ERBB4: variants seen among roughly 807,000 people sequenced by gnomAD.
The protein encoded by ERBB4 is erb-b2 receptor tyrosine kinase 4.
ERBB4 carries 42 observed loss-of-function variants against 158.0 expected under a neutral mutation model. The ratio of observed to expected loss-of-function variants is 0.27; its 90% CI spans 0.21 to 0.34. ERBB4 has a LOEUF of 0.34. Among genes scored for constraint, ERBB4 ranks in the 10% least tolerant of loss-of-function variants. ERBB4 has a pLI of 1.00. For missense variants in ERBB4, 1,333 were observed against 1,624.1 expected, an observed-to-expected ratio of 0.82 and a Z score of 3.08; for synonymous variants, 583 against 558.7, an observed-to-expected ratio of 1.04 and a Z score of -0.61.
intron 2 of ERBB4, among the ~76,000 whole-genome samples, chr2:212,090,025 T>G (rs1403735004): frequency 1.3e-5 from 2 of 152,266 alleles, no homozygotes; most frequent in East Asian, 3.9e-4. Context: ...GTATGATTAC[T>G]CAGCCTCTGC....
chr2:211,740,622 C>CTTTTTTTTTT (rs1169540948), intron 5 of ERBB4, among the ~76,000 whole-genome samples: 28 of 90,174 alleles, frequency 3.1e-4, no homozygotes, highest in African/African-American at 5.7e-4. Context: ...TTTTCTTTGT[C>CTTTTTTTTTT]TTTTTTTTTT....
intron 1 of ERBB4, among the ~76,000 whole-genome samples, chr2:212,513,924 T>C (rs187847239): frequency 7.7e-4 from 117 of 152,368 alleles, no homozygotes; most frequent in Non-Finnish European, 1.4e-3. Context: ...CTAAAGTGTA[T>C]GTTTTAGTTA....
At chr2:211,841,238 G>T (rs2077462960) in intron 3 of ERBB4, among the ~76,000 whole-genome samples, 1 of 152,024 alleles carries the variant, frequency 6.6e-6, no homozygotes, top group Non-Finnish European at 1.5e-5. Flanking sequence ...TTTCCAATGT[G>T]CTATATTTGT....
At chr2:211,833,105 C>T (rs2077261119) in intron 3 of ERBB4, among the ~76,000 whole-genome samples, 1 of 152,060 alleles carries the variant, frequency 6.6e-6, no homozygotes, top group South Asian at 2.1e-4. Context: ...GCCTGACAAA[C>T]AGCAGATACC....
chr2:211,708,767 TA>T (rs779747457), intron 9 of ERBB4, among the ~76,000 whole-genome samples: 20 of 152,202 alleles, frequency 1.3e-4, no homozygotes, highest in Non-Finnish European at 2.5e-4. Context: ...ATCACCACAA[TA>T]ATCATAGGAA....
intron 20 of ERBB4, among the ~76,000 whole-genome samples, chr2:211,486,938 C>T (rs970001925): frequency 2.0e-5 from 3 of 151,838 alleles, no homozygotes; most frequent in Admixed American, 2.0e-4. Context: ...ACAGCTTCAT[C>T]AGATAATATA....
At chr2:211,484,217 G>A (rs1433400761) in intron 20 of ERBB4, among the ~76,000 whole-genome samples, 2 of 152,044 alleles carry the variant, frequency 1.3e-5, no homozygotes, top group Non-Finnish European at 2.9e-5. Context: ...AATGAAAAAC[G>A]GGAGGGAAAA....
At chr2:212,083,168 G>A (rs910346243) in intron 2 of ERBB4, among the ~76,000 whole-genome samples, 4 of 151,942 alleles carry the variant, frequency 2.6e-5, no homozygotes, top group African/African-American at 9.7e-5. Flanking sequence ...AAACCTGATT[G>A]CTTTTTTTGA....
At chr2:212,144,290 G>A (rs2080589843) in intron 1 of ERBB4, among the ~76,000 whole-genome samples, 1 of 152,082 alleles carries the variant, frequency 6.6e-6, no homozygotes, top group African/African-American at 2.4e-5. Context: ...ACCATTGAAT[G>A]AAATTCTAGT....
At chr2:211,806,943 G>A (rs1022408183) in intron 3 of ERBB4, among the ~76,000 whole-genome samples, 11 of 151,908 alleles carry the variant, frequency 7.2e-5, no homozygotes, top group African/African-American at 2.7e-4. Context: ...TTTAAAGATA[G>A]TATCTTTAAA....
At chr2:211,427,529 A>C (rs1294506970) in intron 22 of ERBB4, among the ~76,000 whole-genome samples, 2 of 152,142 alleles carry the variant, frequency 1.3e-5, no homozygotes, top group Admixed American at 6.6e-5. Context: ...TCCAGTTCAT[A>C]TTATTCACTC....
chr2:211,639,272 A>G (rs543075311), intron 16 of ERBB4, among the ~76,000 whole-genome samples: 2 of 152,332 alleles, frequency 1.3e-5, no homozygotes, highest in South Asian at 4.1e-4. Context: ...AGAACAAATT[A>G]ACCGTTAAGT....
intron 3 of ERBB4, among the ~76,000 whole-genome samples, chr2:211,851,292 T>C (rs950388817): frequency 3.9e-5 from 6 of 152,062 alleles, no homozygotes; most frequent in Admixed American, 3.9e-4. Flanking sequence ...AAATATAATT[T>C]ATTTAATGAA....
intron 2 of ERBB4, among the ~76,000 whole-genome samples, chr2:212,116,955 TGCATA>T: frequency 6.6e-6 from 1 of 152,266 alleles, no homozygotes; most frequent in African/African-American, 2.4e-5. Flanking sequence ...AAGTGTAAAT[TGCATA>T]GCTTTTTCAA....
chr2:211,660,644 C>T (rs747671944), intron 15 of ERBB4, among the ~76,000 whole-genome samples: 3 of 151,920 alleles, frequency 2.0e-5, no homozygotes, highest in East Asian at 1.9e-4. Flanking sequence ...GAGTGGTTAA[C>T]GGGGAAAGAA....
chr2:211,700,473 T>C (rs1044975207), intron 12 of ERBB4, among the ~76,000 whole-genome samples: 2 of 152,202 alleles, frequency 1.3e-5, no homozygotes, highest in African/African-American at 2.4e-5. Flanking sequence ...CATGTTGTAA[T>C]AGATCTCCTT....
chr2:211,725,060 G>A lies in ERBB4; in HGVS notation c.741+16C>T, dbSNP rs1327216231. 1.3e-6 allele frequency: 2 copies of A among 1,510,628 alleles called. No homozygotes were observed. The highest frequency in any genetic ancestry group is 1.8e-6 in the Non-Finnish European group (2 of 1,085,370). The allele number at this position is 1,510,628 out of a possible 1,614,324, so 93.6% of individuals were successfully genotyped here. A position where few individuals can be genotyped will look rare whatever the true frequency, so the allele number is the denominator to read the frequency against. ...AAGGAGAGCAGGATAATAAAAGAGA[G>A]AAATCACAGACATACAAAGCAGTCT... On this transcript the variant is annotated intron_variant, in intron 6 of 27. Transcript: ENST00000342788.
intron 15 of ERBB4, among the ~76,000 whole-genome samples, chr2:211,661,463 T>A (rs907833192): frequency 2.0e-5 from 3 of 152,182 alleles, no homozygotes; most frequent in Non-Finnish European, 2.9e-5. Flanking sequence ...CATGTCTAAT[T>A]AACAAATTCC....
chr2:212,037,294 T>C (rs1046167189), intron 2 of ERBB4, among the ~76,000 whole-genome samples: 9 of 152,136 alleles, frequency 5.9e-5, no homozygotes, highest in Non-Finnish European at 1.2e-4. Context: ...AAGAACAGCA[T>C]GGAGCCCTGC....
Sources: allele counts gnomAD v4.1 joint callset (sites outside exome capture counted in the v4.1 genomes callset), GRCh38; gene constraint gnomAD v4.1.1; transcripts MANE v1.5; gene names NCBI Gene and HGNC (gene_info 2026-07-23, HGNC 2026-07-21).